SYT9: variants seen among roughly 807,000 people sequenced by gnomAD.
SYT9 encodes the protein synaptotagmin-9.
Under a neutral mutation model 48.4 loss-of-function variants are expected in SYT9, and 22 were observed. That is an observed-to-expected ratio of 0.45 (90% CI 0.32 to 0.65). The LOEUF is 0.65. SYT9 is among the 30% of genes least tolerant of loss of function. The pLI, the probability that SYT9 is intolerant of heterozygous loss-of-function variation, is 0.03. For synonymous variants in SYT9, 265 were observed against 245.0 expected (o/e 1.08, Z -0.76); for missense variants, 577 against 622.0 (o/e 0.93, Z 0.77).
chr11:7,391,848 C>T (rs1461434515), intron 3 of SYT9, among the ~76,000 whole-genome samples: 6 of 149,212 alleles, frequency 4.0e-5, no homozygotes, highest in South Asian at 2.2e-4. Context: ...CCCAGGAGGT[C>T]GAGGCTGCAG....
intron 3 of SYT9, among the ~76,000 whole-genome samples, chr11:7,336,021 T>C (rs919215940): frequency 6.6e-6 from 1 of 152,202 alleles, no homozygotes; most frequent in Non-Finnish European, 1.5e-5. Context: ...TTTGACTTTT[T>C]AGTAGTAGCC....
chr11:7,294,490 A>G (rs1223551341), intron 1 of SYT9, among the ~76,000 whole-genome samples: 1 of 152,244 alleles, frequency 6.6e-6, no homozygotes, highest in African/African-American at 2.4e-5. Flanking sequence ...TGTGAAACCA[A>G]ACAAGTTATG....
In SYT9 at chr11:7,360,271, G is replaced by C. The variant is rs1400405126; in HGVS notation, c.1044+46330G>C. Among the ~76,000 whole-genome samples, 10 of 152,276 alleles carry C rather than the reference G, an allele frequency of 6.6e-5. 1 individual carries two copies. In the East Asian group the frequency reaches 1.7e-3, roughly 26 times the overall value. ...TTACTGTAGACTTGTAGTATAGTTT[G>C]AAGTCAGGTAGTGTGATGCCTCCAG... On this transcript the variant is annotated intron_variant, in intron 3 of 6. Coordinates refer to ENST00000318881, the MANE Select transcript of SYT9 (RefSeq NM_175733.4).
At chr11:7,349,343 A>G (rs890713674) in intron 3 of SYT9, among the ~76,000 whole-genome samples, 1 of 151,604 alleles carries the variant, frequency 6.6e-6, no homozygotes, top group Admixed American at 6.6e-5. Flanking sequence ...AAAATGATAA[A>G]TTTTATGATG....
At position 7,303,145 on chromosome 11, in the gene SYT9, A is replaced by G. The variant is rs770239871; in HGVS notation, c.252A>G (p.Glu84=). ...SWKLCWVPWR[E]RGLPSGSKDN... ...AACTCTGCTGGGTTCCGTGGCGAGA[A>G]CGAGGCCTGCCCTCTGGTAGCAAAG... is the stretch of plus-strand genomic sequence containing the variant. The change falls in exon 2 of 7, where the codon GAA becomes GAG. Residue 84 remains glutamate (E), a synonymous_variant. Coordinates refer to ENST00000318881, the MANE Select transcript of SYT9 (RefSeq NM_175733.4). 1.4e-5 allele frequency: 23 copies of G among 1,614,040 alleles called. No homozygotes were observed. The Admixed American group carries it at 3.5e-4, about 25-fold the overall frequency.
At chr11:7,448,003 A>G (rs1468658450) in intron 6 of SYT9, among the ~76,000 whole-genome samples, 1 of 152,226 alleles carries the variant, frequency 6.6e-6, no homozygotes, top group Admixed American at 6.5e-5. Context: ...TCAAATGTCT[A>G]CACTCGAAAA....
At chr11:7,398,356 T>G (rs1488594216) in intron 3 of SYT9, among the ~76,000 whole-genome samples, 1 of 152,124 alleles carries the variant, frequency 6.6e-6, no homozygotes, top group East Asian at 1.9e-4. Flanking sequence ...TGCTAAAATG[T>G]TACTAAGGTT....
intron 3 of SYT9, among the ~76,000 whole-genome samples, chr11:7,372,732 T>C (rs74051154): frequency 0.024 from 3,642 of 152,260 alleles, 153 homozygotes; most frequent in African/African-American, 0.084. Context: ...CTTCACTTGG[T>C]TATATTGGAT....
intron 3 of SYT9, among the ~76,000 whole-genome samples, chr11:7,336,087 T>A (rs1849626373): frequency 6.6e-6 from 1 of 152,216 alleles, no homozygotes; most frequent in South Asian, 2.1e-4. Context: ...ATTTCTCTAA[T>A]GATCACTGAT....
chr11:7,278,385 G>C (rs1848436583), intron 1 of SYT9, among the ~76,000 whole-genome samples: 1 of 152,188 alleles, frequency 6.6e-6, no homozygotes, highest in Admixed American at 6.5e-5. Flanking sequence ...ATGAGTTTTG[G>C]AGGAGACATT....
intron 3 of SYT9, among the ~76,000 whole-genome samples, chr11:7,320,845 C>G (rs535056852): frequency 1.3e-5 from 2 of 152,138 alleles, no homozygotes; most frequent in Non-Finnish European, 2.9e-5. Context: ...TACAATACAT[C>G]TTTGTGAGGA....
chr11:7,369,035 C>G (rs970792050), intron 3 of SYT9, among the ~76,000 whole-genome samples: 1 of 152,152 alleles, frequency 6.6e-6, no homozygotes, highest in African/African-American at 2.4e-5. Context: ...ATTTGTGGTT[C>G]TAAAACCTTG....
intron 6 of SYT9, among the ~76,000 whole-genome samples, chr11:7,432,572 AAAAAAAAAAAATATATATACATATAT>A (rs1564901959): frequency 3.9e-3 from 49 of 12,658 alleles, no homozygotes; most frequent in Admixed American, 5.3e-3. Flanking sequence ...AAAAAAAAAA[AAAAAAAAAAAATATATATACATATAT>A]ATATATATAT....
At chr11:7,332,944 G>T (rs1849566870) in intron 3 of SYT9, among the ~76,000 whole-genome samples, 1 of 152,226 alleles carries the variant, frequency 6.6e-6, no homozygotes, top group African/African-American at 2.4e-5. Flanking sequence ...ACCTATGGAA[G>T]TATTACTATC....
chr11:7,391,033 G>A (rs1033009792), intron 3 of SYT9, among the ~76,000 whole-genome samples: 1 of 152,024 alleles, frequency 6.6e-6, no homozygotes, highest in African/African-American at 2.4e-5. Flanking sequence ...CTATGTCCAT[G>A]TGCACCCAAA....
At chr11:7,314,167 T>G in intron 3 of SYT9, 1 of 678,614 alleles carries the variant, frequency 1.5e-6, no homozygotes, top group Admixed American at 2.1e-5. Context: ...AATAACATTC[T>G]CTCTTTTCTA....
intron 3 of SYT9, among the ~76,000 whole-genome samples, chr11:7,322,589 A>T (rs577199612): frequency 2.2e-4 from 34 of 152,268 alleles, no homozygotes; most frequent in Middle Eastern, 3.4e-3. Flanking sequence ...GAAGGAAGGG[A>T]TTGATGAAGC....
chr11:7,294,163 C>T (rs1323386586), intron 1 of SYT9, among the ~76,000 whole-genome samples: 1 of 152,138 alleles, frequency 6.6e-6, no homozygotes, highest in African/African-American at 2.4e-5. Context: ...GAGGGCTTCA[C>T]CTTCATTACT....
At chr11:7,310,151 T>G (rs1589934071) in intron 2 of SYT9, among the ~76,000 whole-genome samples, 2 of 152,322 alleles carry the variant, frequency 1.3e-5, no homozygotes, top group East Asian at 3.9e-4. Flanking sequence ...TGAGTTTTTT[T>G]GAGATGGAGT....
Sources: gnomAD v4.1 joint callset for allele counts (sites outside exome capture counted in the v4.1 genomes callset) on GRCh38, gnomAD v4.1.1 for gene constraint, MANE v1.5 for transcripts, NCBI Gene and HGNC (gene_info 2026-07-23, HGNC 2026-07-21) for gene names.